The following AGMO variants were observed in gnomAD, a reference collection of about 807,000 sequenced individuals.
AGMO encodes the protein glyceryl-ether monooxygenase.
Under a neutral mutation model 60.2 loss-of-function variants are expected in AGMO, and 75 were observed. That is an observed-to-expected ratio of 1.25 (90% CI 1.03 to 1.51). The LOEUF is 1.51. AGMO is among the 40% of genes most tolerant of loss of function. The pLI is 0.00. For missense variants in AGMO, 763 were observed against 525.5 expected, an observed-to-expected ratio of 1.45 and a Z score of -4.42; for synonymous variants, 261 against 177.1, an observed-to-expected ratio of 1.47 and a Z score of -3.76.
At chr7:15,194,174 G>T in the AGMO span, among the ~76,000 whole-genome samples, 2 of 151,868 alleles carry the variant, frequency 1.3e-5, no homozygotes, top group Non-Finnish European at 2.9e-5. Flanking sequence ...ACATTTGATG[G>T]GATAGGCTGT....
chr7:15,440,924 C>T (rs1017846330), intron 3 of AGMO, among the ~76,000 whole-genome samples: 3 of 152,214 alleles, frequency 2.0e-5, no homozygotes, highest in African/African-American at 7.2e-5. Flanking sequence ...TTGTATCCAT[C>T]ACCAGTCATT....
intron 3 of AGMO, among the ~76,000 whole-genome samples, chr7:15,470,449 A>G (rs1211550039): frequency 6.6e-6 from 1 of 151,936 alleles, no homozygotes; most frequent in Non-Finnish European, 1.5e-5. Context: ...AGTAGTAAGC[A>G]ATAATAAAGT....
At chr7:15,251,125 G>A (rs901449628) in intron 12 of AGMO, among the ~76,000 whole-genome samples, 5 of 152,056 alleles carry the variant, frequency 3.3e-5, no homozygotes, top group African/African-American at 9.7e-5. Flanking sequence ...CTTTAGCCCA[G>A]CTCAAAATGC....
At chr7:15,452,947 G>C (rs1198224844) in intron 3 of AGMO, among the ~76,000 whole-genome samples, 1 of 152,188 alleles carries the variant, frequency 6.6e-6, no homozygotes, top group Non-Finnish European at 1.5e-5. Context: ...AAATGTTATA[G>C]TAAGTGAAAG....
At chr7:15,459,001 T>C (rs145278831) in intron 3 of AGMO, among the ~76,000 whole-genome samples, 1 of 152,174 alleles carries the variant, frequency 6.6e-6, no homozygotes, top group Non-Finnish European at 1.5e-5. Flanking sequence ...CAATTTCAAA[T>C]AGTTCAATCT....
At chr7:15,244,942 A>G (rs1782698555) in intron 12 of AGMO, among the ~76,000 whole-genome samples, 1 of 152,218 alleles carries the variant, frequency 6.6e-6, no homozygotes. Context: ...GTAAGCCACC[A>G]CGCCCGGCCA....
intron 12 of AGMO, among the ~76,000 whole-genome samples, chr7:15,325,346 T>C (rs1450061310): frequency 1.3e-5 from 2 of 152,160 alleles, no homozygotes; most frequent in Non-Finnish European, 2.9e-5. Flanking sequence ...ATTTCTACAT[T>C]TAATAATTTT....
At chr7:15,473,403 C>T (rs74440313) in intron 3 of AGMO, among the ~76,000 whole-genome samples, 1 of 151,936 alleles carries the variant, frequency 6.6e-6, no homozygotes, top group African/African-American at 2.4e-5. Flanking sequence ...TTTTATGAGG[C>T]CAGCATCATC....
chr7:15,396,946 C>T (rs1374974028), intron 5 of AGMO, among the ~76,000 whole-genome samples: 2 of 152,076 alleles, frequency 1.3e-5, no homozygotes, highest in Middle Eastern at 3.2e-3. Flanking sequence ...GATTAGTTAG[C>T]GACTGAGTGC....
chr7:15,534,137 C>T (rs1014264293), intron 3 of AGMO, among the ~76,000 whole-genome samples: 2 of 151,866 alleles, frequency 1.3e-5, no homozygotes, highest in Non-Finnish European at 2.9e-5. Context: ...AAGAACAAAT[C>T]TGTTTTAGCA....
At chr7:15,351,263 C>T (rs927768935) in intron 12 of AGMO, among the ~76,000 whole-genome samples, 2 of 152,072 alleles carry the variant, frequency 1.3e-5, no homozygotes, top group Admixed American at 6.6e-5. Flanking sequence ...ATGTAGATAA[C>T]ATCAGAGGAG....
intron 4 of AGMO, among the ~76,000 whole-genome samples, chr7:15,419,729 G>T (rs1031444820): frequency 6.6e-6 from 1 of 151,734 alleles, no homozygotes; most frequent in Non-Finnish European, 1.5e-5. Context: ...AGTGAGAAAA[G>T]AATACTGGGC....
chr7:15,277,917 G>C (rs561798945), intron 12 of AGMO, among the ~76,000 whole-genome samples: 35 of 152,112 alleles, frequency 2.3e-4, no homozygotes, highest in Non-Finnish European at 4.1e-4. Flanking sequence ...AGCCCTAATA[G>C]GGGTGTCTGG....
chr7:15,374,801 G>A (rs1372337154), intron 10 of AGMO, among the ~76,000 whole-genome samples: 3 of 152,058 alleles, frequency 2.0e-5, no homozygotes, highest in African/African-American at 4.8e-5. Flanking sequence ...CAGGATTTGA[G>A]AGAAACCAAG....
At chr7:15,260,454 A>G (rs1043356995) in intron 12 of AGMO, among the ~76,000 whole-genome samples, 1 of 152,156 alleles carries the variant, frequency 6.6e-6, no homozygotes, top group Non-Finnish European at 1.5e-5. Context: ...GACTAGTACA[A>G]CAGGAAAATA....
chr7:15,490,336 G>A (rs907360089), intron 3 of AGMO, among the ~76,000 whole-genome samples: 2 of 152,144 alleles, frequency 1.3e-5, no homozygotes, highest in Non-Finnish European at 2.9e-5. Context: ...ATTTCCTCTT[G>A]GAAAAGAATG....
intron 12 of AGMO, among the ~76,000 whole-genome samples, chr7:15,344,213 A>C (rs562830857): frequency 6.6e-6 from 1 of 152,306 alleles, no homozygotes; most frequent in East Asian, 1.9e-4. Flanking sequence ...ATATTTGTTG[A>C]ATGAATAAGT....
intron 3 of AGMO, among the ~76,000 whole-genome samples, chr7:15,531,408 ATATATATTC>A: frequency 1.2e-5 from 1 of 85,276 alleles, no homozygotes; most frequent in Non-Finnish European, 2.0e-5. Context: ...TATATATTCT[ATATATATTC>A]TATATATATT....
intron 12 of AGMO, among the ~76,000 whole-genome samples, chr7:15,308,367 G>C (rs1780675052): frequency 6.6e-6 from 1 of 151,844 alleles, no homozygotes; most frequent in Admixed American, 6.6e-5. Context: ...TCTTTTTTAA[G>C]GTTTTGCTCA....
Sources: allele counts gnomAD v4.1 joint callset (sites outside exome capture counted in the v4.1 genomes callset), GRCh38; gene constraint gnomAD v4.1.1; transcripts MANE v1.5; gene names NCBI Gene and HGNC (gene_info 2026-07-23, HGNC 2026-07-21).